The following PCDHA5 variants were observed in gnomAD, a reference collection of about 807,000 sequenced individuals.
The protein encoded by PCDHA5 is protocadherin alpha 5.
PCDHA5 carries 43 observed loss-of-function variants against 61.6 expected under a neutral mutation model. The ratio of observed to expected loss-of-function variants is 0.70; its 90% confidence interval spans 0.55 to 0.90. The LOEUF (loss-of-function observed/expected upper bound fraction) is 0.90. Ranked by LOEUF, PCDHA5 falls within the 40% of genes least tolerant of loss-of-function variation. PCDHA5 has a pLI of 0.00. For missense variants in PCDHA5, 1,298 were observed against 1,222.7 expected, an observed-to-expected ratio of 1.06 and a Z score of -0.92; for synonymous variants, 627 against 543.9, an observed-to-expected ratio of 1.15 and a Z score of -2.13.
intron 1 of PCDHA5, among the ~76,000 whole-genome samples, chr5:140,934,368 C>A (rs2089796426): frequency 6.6e-6 from 1 of 152,102 alleles, no homozygotes; most frequent in African/African-American, 2.4e-5. Context: ...TGCTTTGACT[C>A]CTTCTGTGGT....
chr5:140,991,501 A>G (rs1223011478), intron 3 of PCDHA5, among the ~76,000 whole-genome samples: 1 of 152,216 alleles, frequency 6.6e-6, no homozygotes, highest in East Asian at 1.9e-4. Context: ...AGTGAGTTTC[A>G]CTGGCTAAAA....
At chr5:140,946,631 T>TATATATACAC (rs57893927) in intron 1 of PCDHA5, among the ~76,000 whole-genome samples, 11,667 of 131,732 alleles carry the variant, frequency 0.089, 743 homozygotes, top group Middle Eastern at 0.14. Context: ...TATATATATA[T>TATATATACAC]ACAATGGAAT....
At chr5:140,899,574 C>T (rs890849786) in intron 1 of PCDHA5, among the ~76,000 whole-genome samples, 2 of 152,112 alleles carry the variant, frequency 1.3e-5, no homozygotes, top group African/African-American at 4.8e-5. Context: ...CTGCTGGATT[C>T]GGTTTGCCAG....
At chr5:140,832,862 T>C (rs1232593064) in intron 1 of PCDHA5, among the ~76,000 whole-genome samples, 2 of 152,192 alleles carry the variant, frequency 1.3e-5, no homozygotes, top group African/African-American at 2.4e-5. Flanking sequence ...AGAGTCATGA[T>C]GTTTTACTGG....
chr5:140,843,324 C>G lies in PCDHA5; in HGVS notation c.2352+19197C>G, dbSNP rs1251515111. On this transcript the variant is annotated intron_variant, in intron 1 of 3. Coordinates refer to ENST00000529859, the MANE Select transcript of PCDHA5 (RefSeq NM_018908.3). ...ACCGCCACGGCCACGGTTCTGGTGT[C>G]GCTGGTGGAGAGCGGCCAGGCTCCA... is the stretch of plus-strand genomic sequence containing the variant. 5.6e-6 allele frequency: 9 copies of G among 1,595,896 alleles called. 3 individuals carry two copies. The highest frequency in any genetic ancestry group is 3.4e-5 in the Admixed American group (2 of 59,276).
intron 1 of PCDHA5, chr5:140,869,389 T>G (rs949262123): frequency 1.9e-6 from 3 of 1,614,180 alleles, no homozygotes; most frequent in Admixed American, 3.3e-5. Flanking sequence ...CGAGGAGCTG[T>G]GCGGGCAGAG....
intron 1 of PCDHA5, among the ~76,000 whole-genome samples, chr5:140,939,802 A>C (rs1347672258): frequency 6.6e-6 from 1 of 152,220 alleles, no homozygotes; most frequent in Admixed American, 6.5e-5. Context: ...AATGTTCTGC[A>C]TGTTCAAGAA....
rs1287439178 is a variant in PCDHA5, at chr5:140,821,614, G to A, written c.-162G>A. ...CAGCCTCAAAGGAATACAGTGAGTA[G>A]ATTTTCCTTAGACAGAAAGGAAAAG... is the stretch of plus-strand genomic sequence containing the variant. On this transcript the variant is annotated 5_prime_UTR_variant, in exon 1 of 4. Transcript: ENST00000529859. 1 of 830,962 alleles carries A rather than the reference G, an allele frequency of 1.2e-6. No homozygotes were observed. The highest frequency in any genetic ancestry group is 1.8e-6 in the Non-Finnish European group (1 of 553,222). The allele number at this position is 830,962 out of a possible 1,614,324, so 51.5% of individuals were successfully genotyped here.
At chr5:140,980,076 G>A (rs2096875671) in intron 2 of PCDHA5, among the ~76,000 whole-genome samples, 1 of 152,214 alleles carries the variant, frequency 6.6e-6, no homozygotes, top group South Asian at 2.1e-4. Flanking sequence ...AAGGGCTGAA[G>A]ATTAGTAGTT....
chr5:140,858,515 C>G lies in PCDHA5; in HGVS notation c.2352+34388C>G, dbSNP rs1554151726. ...TTACCGCATTTTCTCAAATATGTAT[C>G]AGAATATTTCATTTTTGTCTACATT... On this transcript the variant is annotated intron_variant, in intron 1 of 3. Coordinates refer to ENST00000529859, the MANE Select transcript of PCDHA5 (RefSeq NM_018908.3). 2.8e-6 allele frequency: 4 copies of G among 1,415,980 alleles called. 1 individual carries two copies. The African/African-American group carries it at 5.7e-5, about 20-fold the overall frequency. 87.7% of individuals were successfully genotyped at this position (1,415,980 alleles called of 1,614,324 possible).
chr5:140,993,449 C>T (rs2097557237), intron 3 of PCDHA5, among the ~76,000 whole-genome samples: 1 of 144,318 alleles, frequency 6.9e-6, no homozygotes, highest in Non-Finnish European at 1.5e-5. Context: ...TTCCTGTTCT[C>T]CTTCTTTCTT....
intron 1 of PCDHA5, chr5:140,864,329 T>C (rs1381036358): frequency 1.3e-5 from 2 of 152,196 alleles, no homozygotes; most frequent in Non-Finnish European, 2.9e-5. Flanking sequence ...ATCATAATTA[T>C]TTGAGTTTAA....
chr5:140,949,976 TACTTA>T (rs2094437494), intron 1 of PCDHA5, among the ~76,000 whole-genome samples: 1 of 151,940 alleles, frequency 6.6e-6, no homozygotes, highest in Admixed American at 6.6e-5. Flanking sequence ...ACAGCATACA[TACTTA>T]ACTTTTCTCA....
intron 1 of PCDHA5, chr5:140,968,494 C>G (rs782064203): frequency 1.2e-6 from 2 of 1,614,096 alleles, no homozygotes; most frequent in South Asian, 2.2e-5. Flanking sequence ...ATGACCATGC[C>G]CCTCACATTC....
At chr5:140,888,315 C>A (rs2061784289) in intron 1 of PCDHA5, among the ~76,000 whole-genome samples, 1 of 152,084 alleles carries the variant, frequency 6.6e-6, no homozygotes, top group Non-Finnish European at 1.5e-5. Flanking sequence ...TTGGCAATGC[C>A]TGGATACATT....
Position 140,863,355 on chromosome 5 carries a change from G to A in PCDHA5, c.2352+39228G>A, listed in dbSNP as rs541699808. ...TCACGTTGCTGCTGTACACGACGCT[G>A]CGGTGCTTGGCGCAGCTCACCGAGA... On this transcript the variant is annotated intron_variant, in intron 1 of 3. Coordinates refer to ENST00000529859, the MANE Select transcript of PCDHA5 (RefSeq NM_018908.3). 8 of 1,264,220 alleles carry A rather than the reference G, an allele frequency of 6.3e-6. No homozygotes were observed. In the Admixed American group the frequency reaches 1.3e-4, roughly 20 times the overall value. 78.3% of individuals were successfully genotyped at this position (1,264,220 alleles called of 1,614,324 possible).
chr5:140,821,749 A>G lies in PCDHA5; in HGVS notation c.-27A>G. On this transcript the variant is annotated 5_prime_UTR_variant, in exon 1 of 4. Coordinates refer to ENST00000529859, the MANE Select transcript of PCDHA5 (RefSeq NM_018908.3). ...AATACATTGTGTGGTGATGCAATAGAAAGCTCATAATTGGAACGAGATTGA... is the reference window on the plus strand; with the variant it reads ...AATACATTGTGTGGTGATGCAATAGGAAGCTCATAATTGGAACGAGATTGA... 1.3e-6 allele frequency: 2 copies of G among 1,571,782 alleles called. No individual in the cohort carries two copies. Among genetic ancestry groups the G allele is most frequent in the South Asian group, 2.4e-5 (2 of 84,288 alleles).
At chr5:140,931,507 T>C (rs564431042) in intron 1 of PCDHA5, among the ~76,000 whole-genome samples, 1 of 152,016 alleles carries the variant, frequency 6.6e-6, no homozygotes, top group African/African-American at 2.4e-5. Flanking sequence ...TTTAAACATA[T>C]ATGAATGATT....
rs144694616 is a variant in PCDHA5, at chr5:140,836,586, G to A, written c.2352+12459G>A. Reference sequence around the variant, plus strand: ...GTCCTCTGAGGGCGCATGTAGTTTGGTAAAGCCCACTCTGGTGTGCTCCAG... The same window carrying A: ...GTCCTCTGAGGGCGCATGTAGTTTGATAAAGCCCACTCTGGTGTGCTCCAG... On this transcript the variant is annotated intron_variant, in intron 1 of 3. Coordinates refer to ENST00000529859, the MANE Select transcript of PCDHA5 (RefSeq NM_018908.3). The A allele has an allele frequency of 3.1e-6, 5 of 1,613,634 alleles. 1 individual carries two copies. The highest frequency in any genetic ancestry group is 4.2e-6 in the Non-Finnish European group (5 of 1,179,854).
Sources: gnomAD v4.1 joint callset for allele counts (sites outside exome capture counted in the v4.1 genomes callset) on GRCh38, gnomAD v4.1.1 for gene constraint, MANE v1.5 for transcripts, NCBI Gene and HGNC (gene_info 2026-07-23, HGNC 2026-07-21) for gene names.